The following SNAP91 variants were observed in gnomAD, a reference collection of about 807,000 sequenced individuals.
SNAP91 encodes clathrin coat assembly protein AP180.
SNAP91 carries 27 observed loss-of-function variants against 100.3 expected under a neutral mutation model. That is an observed-to-expected ratio of 0.27 (90% CI 0.20 to 0.37). The LOEUF is 0.37. Ranked by LOEUF, SNAP91 falls within the 10% of genes least tolerant of loss-of-function variation. The pLI, the probability that SNAP91 is intolerant of heterozygous loss-of-function variation, is 1.00. For synonymous variants in SNAP91, 404 were observed against 398.6 expected (o/e 1.01, Z -0.16); for missense variants, 986 against 1,123.7 (o/e 0.88, Z 1.75).
chr6:83,659,314 T>C (rs1323983910), intron 5 of SNAP91, among the ~76,000 whole-genome samples: 2 of 152,130 alleles, frequency 1.3e-5, no homozygotes, highest in African/African-American at 4.8e-5. Context: ...CTATGTGTAC[T>C]GCCCTTAGGA....
intron 22 of SNAP91, among the ~76,000 whole-genome samples, chr6:83,588,566 T>G (rs143231704): frequency 1.3e-5 from 2 of 152,338 alleles, no homozygotes; most frequent in African/African-American, 4.8e-5. Flanking sequence ...TACCAAGCTG[T>G]GCAGCTGTGG....
At chr6:83,700,677 A>G (rs2129046933) in intron 2 of SNAP91, among the ~76,000 whole-genome samples, 1 of 152,058 alleles carries the variant, frequency 6.6e-6, no homozygotes, top group Non-Finnish European at 1.5e-5. Flanking sequence ...CTGGAGTACA[A>G]TGGCATGATC....
intron 18 of SNAP91, 21 bp from the exon 19 acceptor site, chr6:83,593,280 G>A: frequency 6.4e-7 from 1 of 1,573,512 alleles, no homozygotes; most frequent in East Asian, 2.3e-5. Context: ...GAACACACAT[G>A]CCTTTACTCA....
chr6:83,679,338 A>T (rs12197515), intron 2 of SNAP91, among the ~76,000 whole-genome samples: 6 of 152,076 alleles, frequency 3.9e-5, no homozygotes, highest in African/African-American at 1.4e-4. Flanking sequence ...TTCCTAGGGG[A>T]AAAAAAGAAA....
chr6:83,595,607 C>T (rs761148427), intron 16 of SNAP91, among the ~76,000 whole-genome samples: 1 of 152,088 alleles, frequency 6.6e-6, no homozygotes, highest in African/African-American at 2.4e-5. Context: ...AGAGTGGAGA[C>T]CAGCACCCAC....
At chr6:83,607,889 C>T in intron 12 of SNAP91, 81 bp from the exon 13 acceptor site, 1 of 642,464 alleles carries the variant, frequency 1.6e-6, no homozygotes, top group Non-Finnish European at 2.4e-6. Context: ...CTTTGTATAA[C>T]CATGACATGC....
intron 28 of SNAP91, among the ~76,000 whole-genome samples, chr6:83,556,895 G>A (rs1164983069): frequency 6.6e-6 from 1 of 152,150 alleles, no homozygotes; most frequent in African/African-American, 2.4e-5. Context: ...AGTCAAGTTT[G>A]AGGGCACTGT....
At chr6:83,643,185 T>C (rs1220967181) in intron 7 of SNAP91, among the ~76,000 whole-genome samples, 5 of 152,180 alleles carry the variant, frequency 3.3e-5, no homozygotes, top group African/African-American at 1.2e-4. Flanking sequence ...CAGAAGCTCT[T>C]TAGTTTAATT....
At chr6:83,702,345 ACACC>A (rs2099324780) in intron 2 of SNAP91, among the ~76,000 whole-genome samples, 1 of 152,142 alleles carries the variant, frequency 6.6e-6, no homozygotes, top group Non-Finnish European at 1.5e-5. Flanking sequence ...GCTCCAAAGA[ACACC>A]CTATCCCAGC....
intron 12 of SNAP91, among the ~76,000 whole-genome samples, chr6:83,609,651 T>C (rs1281259205): frequency 1.3e-5 from 2 of 152,240 alleles, no homozygotes; most frequent in Admixed American, 6.5e-5. Flanking sequence ...TACAGACCTA[T>C]AGAAGTAAAT....
At chr6:83,664,080 C>A (rs2098624652) in intron 3 of SNAP91, among the ~76,000 whole-genome samples, 1 of 152,052 alleles carries the variant, frequency 6.6e-6, no homozygotes, top group Non-Finnish European at 1.5e-5. Flanking sequence ...TTGAAGCCCA[C>A]TGTTGAGACT....
chr6:83,704,925 T>C (rs1441428066), intron 2 of SNAP91, among the ~76,000 whole-genome samples: 1 of 152,204 alleles, frequency 6.6e-6, no homozygotes, highest in African/African-American at 2.4e-5. Flanking sequence ...ATTATGTGTT[T>C]GCATGTTTTA....
In SNAP91 at chr6:83,593,675, G is replaced by A. The variant is rs777868876; in HGVS notation, c.1499C>T (p.Pro500Leu). Residue 500 changes from proline to leucine, a missense_variant, in exon 18 of 30, where the codon CCA (proline) becomes CTA (leucine). Coordinates refer to ENST00000369694, the MANE Select transcript of SNAP91 (RefSeq NM_001242792.2). The part of the protein sequence containing the change: ...APELDLFAMK[P>L]PETSVPVVTP... ...AACTACAGGAACACTGGTCTCAGGT[G>A]GCTTCATTGCAAAGAGGTCCAGCTC... The A allele has an allele frequency of 8.1e-6, 13 of 1,611,282 alleles. 1 individual carries two copies. The South Asian group carries it at 1.2e-4, about 15-fold the overall frequency.
intron 3 of SNAP91, among the ~76,000 whole-genome samples, chr6:83,662,850 T>C (rs2098581963): frequency 1.3e-5 from 2 of 152,190 alleles, no homozygotes; most frequent in South Asian, 4.1e-4. Context: ...TTTGAACCTA[T>C]AATTTTAACA....
At chr6:83,554,864 G>A (rs149547920) in intron 29 of SNAP91, among the ~76,000 whole-genome samples, 10 of 152,158 alleles carry the variant, frequency 6.6e-5, no homozygotes, top group East Asian at 1.9e-4. Flanking sequence ...AGGCTTAGCC[G>A]CATAGATAAC....
At chr6:83,593,783 G>A in intron 17 of SNAP91, 42 bp from the exon 18 acceptor site, 1 of 1,524,584 alleles carries the variant, frequency 6.6e-7, no homozygotes, top group Non-Finnish European at 8.8e-7. Flanking sequence ...CATCAGTAAG[G>A]AAAGAGACAA....
intron 7 of SNAP91, among the ~76,000 whole-genome samples, chr6:83,643,350 T>G (rs2097786791): frequency 6.6e-6 from 1 of 152,230 alleles, no homozygotes; most frequent in Admixed American, 6.5e-5. Flanking sequence ...TTAATCCATC[T>G]TGAATTAATT....
chr6:83,680,787 C>A (rs971902051), intron 2 of SNAP91, among the ~76,000 whole-genome samples: 2 of 152,108 alleles, frequency 1.3e-5, no homozygotes, highest in African/African-American at 4.8e-5. Context: ...CCAATAGAAT[C>A]CCCCTTCCCT....
chr6:83,573,566 A>G (rs1026634261), intron 26 of SNAP91, among the ~76,000 whole-genome samples: 28 of 152,214 alleles, frequency 1.8e-4, no homozygotes, highest in Non-Finnish European at 3.7e-4. Flanking sequence ...ACAAGGCTAC[A>G]GTAACCAAAA....
Sources: gnomAD v4.1 joint callset for allele counts (sites outside exome capture counted in the v4.1 genomes callset) on GRCh38, gnomAD v4.1.1 for gene constraint, MANE v1.5 for transcripts, NCBI Gene and HGNC (gene_info 2026-07-23, HGNC 2026-07-21) for gene names.